The following MYH9 variants were observed in gnomAD, a reference collection of about 807,000 sequenced individuals.
The protein encoded by MYH9 is myosin heavy chain 9, also known as myosin-9.
In MYH9, 29 loss-of-function variants were observed where a neutral mutation model predicts 241.9. The observed-to-expected ratio is 0.12, with a 90% CI of 0.09 to 0.16. MYH9 has a LOEUF of 0.16. Ranked by LOEUF, MYH9 falls within the 10% of genes least tolerant of loss-of-function variation. The pLI, the probability that MYH9 is intolerant of heterozygous loss-of-function variation, is 1.00. For missense variants in MYH9, 1,803 were observed against 2,595.5 expected (o/e 0.69, Z 6.63); for synonymous variants, 1,047 against 1,062.6 (o/e 0.99, Z 0.29).
intron 20 of MYH9, 148 bp downstream of exon 20, chr22:36,302,420 G>A: frequency 3.0e-6 from 2 of 670,916 alleles, no homozygotes; most frequent in Non-Finnish European, 5.3e-6. Context: ...GGCTGAGGTA[G>A]GAGGATTGCT....
Position 36,301,588 on chromosome 22 carries a change from C to G in MYH9, c.2577G>C (p.Glu859Asp). 6.2e-7 allele frequency: 1 copy of G among 1,614,072 alleles called. No homozygotes were observed. ...AKEEELVKVR[E>D]KQLAAENRLT... Reference sequence around the variant, plus strand: ...GCCTGTTCTCCGCAGCCAGCTGCTTCTCTCTGACCTTCACCAGCTCCTCCT... The same window carrying G: ...GCCTGTTCTCCGCAGCCAGCTGCTTGTCTCTGACCTTCACCAGCTCCTCCT... Residue 859 changes from glutamate (E) to aspartate (D), a missense_variant, in exon 21 of 41, where the codon GAG (glutamate) becomes GAC (aspartate). Transcript: ENST00000216181.
At position 36,321,759 on chromosome 22, in the gene MYH9, A is replaced by G; in HGVS notation, c.768T>C (p.Thr256=). The G allele has an allele frequency of 6.2e-7, 1 of 1,613,984 alleles. No individual in the cohort carries two copies. Among genetic ancestry groups the G allele is most frequent in the East Asian group, 2.2e-5 (1 of 44,890 alleles). The change falls in exon 7 of 41, where the codon ACT becomes ACC. Residue 256 remains threonine, a splice_region_variant and synonymous_variant. Transcript: ENST00000216181. ...TATCCCAACGAACCACAAGGATACA[A>G]GTCTCAATGTTGGCTCCAACAATGT... ...NGYIVGANIE[T]YLLEKSRAIR...
intron 10 of MYH9, among the ~76,000 whole-genome samples, chr22:36,318,669 C>A (rs1229196360): frequency 6.6e-6 from 1 of 152,208 alleles, no homozygotes; most frequent in Admixed American, 6.5e-5. Context: ...CCGCACTCCT[C>A]AGAGTGTAAA....
intron 3 of MYH9, among the ~76,000 whole-genome samples, chr22:36,340,210 T>C (rs895812617): frequency 2.0e-5 from 3 of 150,298 alleles, no homozygotes; most frequent in African/African-American, 7.3e-5. Flanking sequence ...TTACTTTTAA[T>C]GGCAAAGACC....
chr22:36,288,590 G>A lies in MYH9; in HGVS notation c.4770+137C>T. 4.5e-6 allele frequency: 6 copies of A among 1,319,788 alleles called. No individual in the cohort carries two copies. Among genetic ancestry groups the A allele is most frequent in the East Asian group, 2.3e-5 (1 of 43,418 alleles). 81.8% of individuals were successfully genotyped at this position (1,319,788 alleles called of 1,614,324 possible). A position where few individuals can be genotyped will look rare whatever the true frequency, so the allele number is the denominator to read the frequency against. On this transcript the variant is annotated intron_variant, in intron 33 of 40. Coordinates refer to ENST00000216181, the MANE Select transcript of MYH9 (RefSeq NM_002473.6). The surrounding 1 kb of genome is among the most constrained non-coding windows in gnomAD (Gnocchi z 4.8). ...TGAGTCACTGAACCCCGAGACAGGA[G>A]GCTAGAAAGAAGGAATATGGGAGGG... is the stretch of plus-strand genomic sequence containing the variant.
At chr22:36,343,816 G>T (rs993549429) in intron 2 of MYH9, among the ~76,000 whole-genome samples, 2 of 152,184 alleles carry the variant, frequency 1.3e-5, no homozygotes, top group South Asian at 4.1e-4. Flanking sequence ...GTTGAGTGGG[G>T]ACAAGAGAGA....
rs539315256 is a variant in MYH9, at chr22:36,300,502, T to C, written c.2839-238A>G. On this transcript the variant is annotated intron_variant, in intron 22 of 40. Transcript: ENST00000216181. This position sits in a 1 kb window ranked among gnomAD's most constrained non-coding sequence, Gnocchi z 5.0. ...CAAACTGGGACACAGGGCCAGAACA[T>C]CGGTGCAATGTTCTGAAGGGTTTCC... 7.9e-5 allele frequency among the ~76,000 whole-genome samples: 12 copies of C among 152,264 alleles called. No individual in the cohort carries two copies. Among genetic ancestry groups the C allele is most frequent in the African/African-American group, 2.6e-4 (11 of 41,548 alleles).
rs577715496 is a variant in MYH9, at chr22:36,374,012, C to A, written c.-20+13795G>T. Among the ~76,000 whole-genome samples the A allele has an allele frequency of 3.3e-5, 5 of 151,458 alleles. No homozygotes were observed. The East Asian group carries it at 7.7e-4, about 23-fold the overall frequency. On this transcript the variant is annotated intron_variant, in intron 1 of 40. Transcript: ENST00000216181. ...AGGTGCAGGGCAAATCTGCTTCTTG[C>A]CAGCTTTGTTGCAATAATGCTTGTG...
intron 1 of MYH9, among the ~76,000 whole-genome samples, chr22:36,369,409 A>T (rs1047682453): frequency 6.6e-6 from 1 of 152,230 alleles, no homozygotes. Flanking sequence ...CAAAGGCAGG[A>T]AACAGTGGGC....
chr22:36,310,724 G>A (rs2017048290), intron 14 of MYH9, among the ~76,000 whole-genome samples: 1 of 152,182 alleles, frequency 6.6e-6, no homozygotes, highest in South Asian at 2.1e-4. Context: ...ACGGAAAGAC[G>A]CACCACAGTT....
chr22:36,345,172 T>G (rs1402393790), intron 2 of MYH9, among the ~76,000 whole-genome samples: 1 of 151,726 alleles, frequency 6.6e-6, no homozygotes, highest in East Asian at 1.9e-4. Flanking sequence ...ATTAGCCGGG[T>G]GTGGTAGTGG....
chr22:36,296,773 T>C (rs889085806), intron 25 of MYH9, 70 bp downstream of exon 25: 1 of 1,496,910 alleles, frequency 6.7e-7, no homozygotes, highest in South Asian at 1.3e-5. Context: ...TGCCGAGAAC[T>C]AGGGCCAGCA....
At chr22:36,361,118 C>G (rs1444425581) in intron 1 of MYH9, among the ~76,000 whole-genome samples, 1 of 152,212 alleles carries the variant, frequency 6.6e-6, no homozygotes, top group Non-Finnish European at 1.5e-5. Flanking sequence ...GGGGGCTCCT[C>G]CCAGCTGCCA....
At chr22:36,304,292 AT>A (rs2016935368) in intron 18 of MYH9, 137 bp from the exon 19 acceptor site, 1 of 884,286 alleles carries the variant, frequency 1.1e-6, no homozygotes, top group African/African-American at 1.7e-5. Context: ...GCAGAAAGCC[AT>A]CTCCTCTCCC....
chr22:36,311,744 T>C (rs536053645), intron 14 of MYH9, among the ~76,000 whole-genome samples: 11 of 152,352 alleles, frequency 7.2e-5, no homozygotes, highest in Non-Finnish European at 5.9e-5. Flanking sequence ...TCTGAGCACA[T>C]GCCTTTAGCC....
intron 1 of MYH9, among the ~76,000 whole-genome samples, chr22:36,377,648 G>A (rs1490410971): frequency 3.9e-5 from 6 of 152,128 alleles, no homozygotes; most frequent in East Asian, 1.9e-4. Flanking sequence ...GGTGGCTCAC[G>A]CCTGTAATCT....
Position 36,294,182 on chromosome 22 carries a change from T to C in MYH9, c.3747A>G (p.Lys1249=), listed in dbSNP as rs2016752867. ...GKGDSEHKRK[K]VEAQLQELQV... ...GCAGCTCCTGCAGCTGCGCCTCCAC[T>C]TTCTTGCGCTTGTGCTCCGAGTCCC... The change falls in exon 28 of 41, where the codon AAA becomes AAG. Residue 1249 remains lysine, a synonymous_variant. Transcript: ENST00000216181. 2 of 1,613,772 alleles carry C rather than the reference T, an allele frequency of 1.2e-6. No homozygotes were observed. Among genetic ancestry groups the C allele is most frequent in the South Asian group, 1.1e-5 (1 of 91,092 alleles).
At chr22:36,331,244 G>A (rs1444846062) in intron 3 of MYH9, among the ~76,000 whole-genome samples, 4 of 152,132 alleles carry the variant, frequency 2.6e-5, no homozygotes, top group Admixed American at 2.0e-4. Flanking sequence ...TGTCGTACAC[G>A]GTGTGAGGCA....
At chr22:36,315,545 T>A (rs1282824945) in intron 12 of MYH9, among the ~76,000 whole-genome samples, 1 of 151,734 alleles carries the variant, frequency 6.6e-6, no homozygotes, top group Non-Finnish European at 1.5e-5. Flanking sequence ...AAAGGTCCCA[T>A]CCTCCCAGCC....
Sources: allele counts gnomAD v4.1 joint callset (sites outside exome capture counted in the v4.1 genomes callset), GRCh38; gene constraint gnomAD v4.1.1; non-coding constraint Gnocchi (gnomAD v3.1); transcripts MANE v1.5; gene names NCBI Gene and HGNC (gene_info 2026-07-23, HGNC 2026-07-21).